The following DLG2 variants were observed in gnomAD, a reference collection of about 807,000 sequenced individuals.
DLG2 encodes disks large homolog 2.
A neutral mutation model predicts 132.5 loss-of-function variants in DLG2; 45 were observed. The ratio of observed to expected loss-of-function variants is 0.34; its 90% CI spans 0.27 to 0.44. The LOEUF is 0.44. Ranked by LOEUF, DLG2 falls within the 20% of genes least tolerant of loss-of-function variation. DLG2 has a pLI of 1.00. For synonymous variants in DLG2, 424 were observed against 419.6 expected, an observed-to-expected ratio of 1.01 and a Z score of -0.13; for missense variants, 1,045 against 1,196.9, an observed-to-expected ratio of 0.87 and a Z score of 1.87.
At chr11:83,823,409 T>C (rs533347777) in intron 17 of DLG2, among the ~76,000 whole-genome samples, 2 of 152,316 alleles carry the variant, frequency 1.3e-5, no homozygotes, top group Admixed American at 1.3e-4. Flanking sequence ...GTATTTAGCA[T>C]TTAATATGTA....
At chr11:84,061,117 G>A (rs1346861257) in intron 10 of DLG2, among the ~76,000 whole-genome samples, 3 of 152,176 alleles carry the variant, frequency 2.0e-5, no homozygotes, top group Non-Finnish European at 4.4e-5. Flanking sequence ...TTTGTTGAAT[G>A]TGTGAAAGAA....
intron 6 of DLG2, among the ~76,000 whole-genome samples, chr11:84,798,220 G>A (rs2074915536): frequency 2.0e-5 from 3 of 152,152 alleles, no homozygotes; most frequent in South Asian, 2.1e-4. Flanking sequence ...AGAATCAGCA[G>A]ATGGCAAAGC....
intron 18 of DLG2, among the ~76,000 whole-genome samples, chr11:83,675,039 C>T (rs1208661247): frequency 1.3e-5 from 2 of 152,176 alleles, no homozygotes; most frequent in African/African-American, 4.8e-5. Context: ...ACAGTTTTGT[C>T]ACTTCCTCTT....
chr11:85,014,401 T>C (rs571652565), intron 6 of DLG2, among the ~76,000 whole-genome samples: 10 of 152,292 alleles, frequency 6.6e-5, no homozygotes, highest in Admixed American at 3.3e-4. Context: ...GAGTAGGTAT[T>C]ACTTAAGGAT....
intron 18 of DLG2, among the ~76,000 whole-genome samples, chr11:83,759,439 T>C (rs973277798): frequency 1.9e-4 from 29 of 152,340 alleles, no homozygotes; most frequent in Admixed American, 1.0e-3. Flanking sequence ...CAAAATCTGC[T>C]TGACCCCCTT....
chr11:83,967,111 A>T (rs1002880733), intron 12 of DLG2, among the ~76,000 whole-genome samples: 1 of 152,102 alleles, frequency 6.6e-6, no homozygotes, highest in Non-Finnish European at 1.5e-5. Context: ...CATATATACC[A>T]CATTTTCTTT....
At chr11:84,491,220 G>A (rs1165602075) in intron 7 of DLG2, among the ~76,000 whole-genome samples, 1 of 152,048 alleles carries the variant, frequency 6.6e-6, no homozygotes, top group Non-Finnish European at 1.5e-5. Context: ...TTGTGGGACG[G>A]ACCTGGTGGG....
chr11:85,025,676 A>AC (rs1210393955), intron 6 of DLG2, among the ~76,000 whole-genome samples: 1 of 152,216 alleles, frequency 6.6e-6, no homozygotes, highest in African/African-American at 2.4e-5. Context: ...TAGAAGAATA[A>AC]CAGTCTGGTA....
At chr11:83,573,371 G>A (rs2096829671) in intron 19 of DLG2, among the ~76,000 whole-genome samples, 1 of 152,094 alleles carries the variant, frequency 6.6e-6, no homozygotes, top group Non-Finnish European at 1.5e-5. Flanking sequence ...AAGTGTCTTA[G>A]TACTGAGTTC....
intron 18 of DLG2, among the ~76,000 whole-genome samples, chr11:83,642,356 T>C (rs897886093): frequency 5.3e-5 from 8 of 152,214 alleles, no homozygotes; most frequent in African/African-American, 1.9e-4. Flanking sequence ...GGTATGTCTT[T>C]CTCCATTCCT....
chr11:84,151,042 C>T (rs1403656205), intron 9 of DLG2, among the ~76,000 whole-genome samples: 1 of 152,042 alleles, frequency 6.6e-6, no homozygotes, highest in Non-Finnish European at 1.5e-5. Flanking sequence ...TATCTATGTT[C>T]ACATCAGGGA....
In DLG2 at chr11:85,421,755, T is replaced by A. The variant is rs115346346; in HGVS notation, c.41-136390A>T. Among the ~76,000 whole-genome samples the A allele has an allele frequency of 3.3e-3, 502 of 152,248 alleles. 4 individuals carry two copies. Among genetic ancestry groups the A allele is most frequent in the African/African-American group, 0.011 (451 of 41,562 alleles). ...TTTTGTTTTTTGTTTTTGTTTTTCT[T>A]GAATTGTACTTTTGTTTTCTTGGTC... On this transcript the variant is annotated intron_variant, in intron 3 of 27. Transcript: ENST00000376104.
At chr11:85,608,804 T>C (rs536050220) in intron 2 of DLG2, among the ~76,000 whole-genome samples, 209 of 152,302 alleles carry the variant, frequency 1.4e-3, no homozygotes, top group Non-Finnish European at 2.4e-3. Context: ...GATAGGTACA[T>C]AGATGTCCTA....
At chr11:83,581,136 CTT>C (rs1208177539) in intron 19 of DLG2, among the ~76,000 whole-genome samples, 3 of 151,928 alleles carry the variant, frequency 2.0e-5, no homozygotes, top group Admixed American at 2.0e-4. Context: ...CTGAGAGAGT[CTT>C]GATGGCACTC....
At chr11:85,002,147 G>T (rs1371026715) in intron 6 of DLG2, among the ~76,000 whole-genome samples, 1 of 152,034 alleles carries the variant, frequency 6.6e-6, no homozygotes, top group African/African-American at 2.4e-5. Context: ...TTCATCCTGG[G>T]ATACACAGGT....
intron 6 of DLG2, among the ~76,000 whole-genome samples, chr11:84,703,811 T>C (rs1215978478): frequency 6.9e-5 from 10 of 145,982 alleles, no homozygotes; most frequent in Non-Finnish European, 1.4e-4. Flanking sequence ...ATAATATTTT[T>C]AGTGTCTTCT....
At chr11:83,869,478 G>T (rs961982413) in intron 16 of DLG2, among the ~76,000 whole-genome samples, 1 of 152,130 alleles carries the variant, frequency 6.6e-6, no homozygotes, top group Non-Finnish European at 1.5e-5. Context: ...GAGCCTAGGT[G>T]GCCTTAAAGT....
chr11:84,637,249 G>A (rs1007998871), intron 6 of DLG2, among the ~76,000 whole-genome samples: 4 of 152,134 alleles, frequency 2.6e-5, no homozygotes, highest in African/African-American at 7.2e-5. Context: ...CCCTTACAAA[G>A]ATTATAGCAA....
intron 6 of DLG2, among the ~76,000 whole-genome samples, chr11:84,973,884 A>T (rs2054479024): frequency 6.6e-6 from 1 of 152,166 alleles, no homozygotes; most frequent in African/African-American, 2.4e-5. Context: ...TGTGTCATGA[A>T]ATATCCTATT....
Sources: allele counts gnomAD v4.1 joint callset (sites outside exome capture counted in the v4.1 genomes callset), GRCh38; gene constraint gnomAD v4.1.1; transcripts MANE v1.5; gene names NCBI Gene and HGNC (gene_info 2026-07-23, HGNC 2026-07-21).